Variants in LRRTM4 observed in about 807,000 individuals in gnomAD.
LRRTM4 encodes the protein leucine-rich repeat transmembrane neuronal protein 4.
A neutral mutation model predicts 47.6 loss-of-function variants in LRRTM4; 25 were observed. The observed-to-expected ratio is 0.53, with a 90% CI of 0.38 to 0.73. LRRTM4 has a LOEUF of 0.73. Among genes scored for constraint, LRRTM4 ranks in the 30% least tolerant of loss-of-function variants. The pLI is 0.00. For missense variants in LRRTM4, 638 were observed against 713.4 expected (o/e 0.89, Z 1.20); for synonymous variants, 311 against 269.5 (o/e 1.15, Z -1.51).
intron 3 of LRRTM4, among the ~76,000 whole-genome samples, chr2:77,423,893 A>G (rs1675005111): frequency 1.3e-5 from 2 of 152,344 alleles, no homozygotes; most frequent in South Asian, 2.1e-4. Flanking sequence ...AATGACAACC[A>G]GTCTTTGGTA....
intron 3 of LRRTM4, among the ~76,000 whole-genome samples, chr2:77,503,328 A>C (rs1384796834): frequency 6.6e-6 from 1 of 151,644 alleles, no homozygotes; most frequent in African/African-American, 2.4e-5. Flanking sequence ...ATGGAGTATG[A>C]GGGTGAGGAT....
chr2:76,809,502 A>T (rs978495134), intron 3 of LRRTM4, among the ~76,000 whole-genome samples: 10 of 151,958 alleles, frequency 6.6e-5, no homozygotes, highest in Non-Finnish European at 8.8e-5. Context: ...TACTGGGGGG[A>T]AAAATTGTAA....
chr2:77,057,105 G>T (rs1679633538), intron 3 of LRRTM4, among the ~76,000 whole-genome samples: 1 of 152,092 alleles, frequency 6.6e-6, no homozygotes, highest in East Asian at 1.9e-4. Flanking sequence ...TTAGCATCTG[G>T]CTTTTAACAG....
At chr2:77,321,759 C>T (rs769194521) in intron 3 of LRRTM4, among the ~76,000 whole-genome samples, 15 of 151,888 alleles carry the variant, frequency 9.9e-5, no homozygotes, top group South Asian at 2.1e-4. Flanking sequence ...GAAAGATTAT[C>T]GTGCAATGAA....
At chr2:76,813,292 A>G (rs2103829756) in intron 3 of LRRTM4, among the ~76,000 whole-genome samples, 1 of 152,336 alleles carries the variant, frequency 6.6e-6, no homozygotes, top group Non-Finnish European at 1.5e-5. Context: ...ATTTTTCTTT[A>G]CATAAATCAT....
At chr2:76,967,508 G>A (rs1052517106) in intron 3 of LRRTM4, among the ~76,000 whole-genome samples, 1 of 151,502 alleles carries the variant, frequency 6.6e-6, no homozygotes, top group African/African-American at 2.4e-5. Context: ...TGGTATTGTT[G>A]AAATGTGGGT....
intron 3 of LRRTM4, among the ~76,000 whole-genome samples, chr2:77,159,534 AAAG>A (rs1348432585): frequency 6.6e-6 from 1 of 151,884 alleles, no homozygotes; most frequent in African/African-American, 2.4e-5. Flanking sequence ...AAAAAAAAAA[AAAG>A]AAAAAAAAAG....
At chr2:77,252,710 T>C (rs1675653868) in intron 3 of LRRTM4, among the ~76,000 whole-genome samples, 1 of 151,912 alleles carries the variant, frequency 6.6e-6, no homozygotes, top group Admixed American at 6.6e-5. Context: ...GACGGACAAC[T>C]ATGGGGAGGG....
intron 3 of LRRTM4, among the ~76,000 whole-genome samples, chr2:77,233,290 A>T (rs1202411997): frequency 6.6e-6 from 1 of 152,176 alleles, no homozygotes; most frequent in African/African-American, 2.4e-5. Flanking sequence ...GCATAGTCCC[A>T]GCTGGGAGAC....
chr2:76,787,739 G>T (rs1354511277), intron 3 of LRRTM4, among the ~76,000 whole-genome samples: 3 of 151,978 alleles, frequency 2.0e-5, no homozygotes, highest in Non-Finnish European at 4.4e-5. Flanking sequence ...ACTATGAAAA[G>T]AAATTCTTAT....
intron 3 of LRRTM4, among the ~76,000 whole-genome samples, chr2:77,136,510 A>C (rs2103988140): frequency 6.6e-6 from 1 of 152,278 alleles, no homozygotes. Flanking sequence ...AGGTAGTAAA[A>C]CCAAAAAGAT....
At chr2:77,503,744 G>A (rs1233681437) in intron 3 of LRRTM4, among the ~76,000 whole-genome samples, 1 of 151,456 alleles carries the variant, frequency 6.6e-6, no homozygotes, top group East Asian at 1.9e-4. Flanking sequence ...ATATGGAAAA[G>A]GTGAATGATT....
intron 3 of LRRTM4, among the ~76,000 whole-genome samples, chr2:76,753,065 A>G (rs749689265): frequency 6.6e-6 from 1 of 152,160 alleles, no homozygotes; most frequent in Non-Finnish European, 1.5e-5. Flanking sequence ...GCTGTTTGCT[A>G]CTCTGAAGTA....
chr2:77,429,793 G>T (rs973840029), intron 3 of LRRTM4, among the ~76,000 whole-genome samples: 1 of 152,080 alleles, frequency 6.6e-6, no homozygotes, highest in Non-Finnish European at 1.5e-5. Context: ...CTGCCAGGTG[G>T]GGTGTCTCAT....
At chr2:77,256,872 A>G (rs76475778) in intron 3 of LRRTM4, among the ~76,000 whole-genome samples, 3 of 152,080 alleles carry the variant, frequency 2.0e-5, no homozygotes, top group Non-Finnish European at 4.4e-5. Context: ...GGAGGGAACC[A>G]AACAGTGTTC....
At chr2:76,805,271 G>T (rs141294038) in intron 3 of LRRTM4, among the ~76,000 whole-genome samples, 2,207 of 152,144 alleles carry the variant, frequency 0.015, 50 homozygotes, top group African/African-American at 0.049. Context: ...CAGGGGAAAG[G>T]TACATTTACT....
intron 3 of LRRTM4, among the ~76,000 whole-genome samples, chr2:77,110,199 A>G (rs954066513): frequency 6.6e-6 from 1 of 152,216 alleles, no homozygotes; most frequent in African/African-American, 2.4e-5. Context: ...AATGAGTGAT[A>G]TTAAAAGGTG....
At chr2:77,410,272 T>C (rs76266304) in intron 3 of LRRTM4, among the ~76,000 whole-genome samples, 16 of 151,796 alleles carry the variant, frequency 1.1e-4, no homozygotes, top group African/African-American at 3.9e-4. Flanking sequence ...GTAACTAGAG[T>C]CTGATATTGG....
intron 3 of LRRTM4, among the ~76,000 whole-genome samples, chr2:77,208,286 C>A (rs532141780): frequency 6.6e-6 from 1 of 152,178 alleles, no homozygotes; most frequent in South Asian, 2.1e-4. Flanking sequence ...GACTTTAGCC[C>A]CCTCTTCCTC....
Sources: gnomAD v4.1 joint callset for allele counts (sites outside exome capture counted in the v4.1 genomes callset) on GRCh38, gnomAD v4.1.1 for gene constraint, MANE v1.5 for transcripts, NCBI Gene and HGNC (gene_info 2026-07-23, HGNC 2026-07-21) for gene names.